The following TAOK3 variants were observed in gnomAD, a reference collection of about 807,000 sequenced individuals.
TAOK3 encodes serine/threonine-protein kinase TAO3.
A neutral mutation model predicts 120.4 loss-of-function variants in TAOK3; 40 were observed. That is an observed-to-expected ratio of 0.33 (90% CI 0.26 to 0.43). The LOEUF is 0.43. Among genes scored for constraint, TAOK3 ranks in the 20% least tolerant of loss-of-function variants. The pLI is 1.00. For synonymous variants in TAOK3, 355 were observed against 387.5 expected, an observed-to-expected ratio of 0.92 and a Z score of 0.99; for missense variants, 821 against 1,112.1, an observed-to-expected ratio of 0.74 and a Z score of 3.72.
At chr12:118,182,412 G>A (rs904599158) in intron 14 of TAOK3, among the ~76,000 whole-genome samples, 3 of 151,466 alleles carry the variant, frequency 2.0e-5, no homozygotes, top group Non-Finnish European at 2.9e-5. Context: ...TGTGGGGGCC[G>A]TCCTGTGCAT....
In TAOK3 at chr12:118,298,904, G is replaced by A. The variant is rs149539106; in HGVS notation, c.-193-32145C>T. 1.2e-3 allele frequency among the ~76,000 whole-genome samples: 177 copies of A among 152,252 alleles called. 2 individuals are homozygous for A. Among genetic ancestry groups the A allele is most frequent in the Admixed American group, 7.5e-3 (115 of 15,276 alleles). Reference sequence around the variant, plus strand: ...GATCACCTTATATTCAGGCAGATGCGCTTTGTTGTTCTGACCTAAATCTAT... The same window carrying A: ...GATCACCTTATATTCAGGCAGATGCACTTTGTTGTTCTGACCTAAATCTAT... On this transcript the variant is annotated intron_variant, in intron 1 of 20. Transcript: ENST00000392533.
chr12:118,246,101 T>A, intron 3 of TAOK3: 1 of 1,275,592 alleles, frequency 7.8e-7, no homozygotes, highest in Non-Finnish European at 1.1e-6. Context: ...ATGACGCCGG[T>A]GCAGCGGGGG....
chr12:118,368,929 C>T (rs1227567486), intron 1 of TAOK3, among the ~76,000 whole-genome samples: 1 of 144,140 alleles, frequency 6.9e-6, no homozygotes. Context: ...CAGGTGGAGG[C>T]GGATGGATCA....
At chr12:118,351,050 A>G (rs932541612) in intron 1 of TAOK3, among the ~76,000 whole-genome samples, 1 of 150,492 alleles carries the variant, frequency 6.6e-6, no homozygotes, top group Admixed American at 6.6e-5. Context: ...GTGGTGGTGC[A>G]TGCCTGTAAT....
Position 118,331,607 on chromosome 12 carries a change from T to C in TAOK3, c.-194+41041A>G, listed in dbSNP as rs577292767. On this transcript the variant is annotated intron_variant, in intron 1 of 20. Coordinates refer to ENST00000392533, the MANE Select transcript of TAOK3 (RefSeq NM_016281.4). ...TTGCAGTGATCCAAGAACATACCAC[T>C]GCACTCCAGCCTGGGCAACAGAACG... 6.9e-4 allele frequency among the ~76,000 whole-genome samples: 88 copies of C among 128,202 alleles called. 1 individual carries two copies. The East Asian group carries it at 8.0e-3, about 12-fold the overall frequency. The allele number at this position is 128,202 out of a possible 152,430, so 84.1% of individuals were successfully genotyped here. A position where few individuals can be genotyped will look rare whatever the true frequency, so the allele number is the denominator to read the frequency against.
intron 1 of TAOK3, among the ~76,000 whole-genome samples, chr12:118,368,298 G>A (rs1304005808): frequency 6.6e-6 from 1 of 152,042 alleles, no homozygotes; most frequent in African/African-American, 2.4e-5. Flanking sequence ...CCGGATTCGA[G>A]CGATTCTCCT....
At chr12:118,189,743 C>T (rs2037319275) in intron 14 of TAOK3, 64 bp downstream of exon 14, 7 of 1,599,122 alleles carry the variant, frequency 4.4e-6, no homozygotes, top group East Asian at 2.2e-5. Context: ...TCAGGGAGGG[C>T]GAGAGGCTGC....
chr12:118,312,865 T>G (rs529669359), intron 1 of TAOK3, among the ~76,000 whole-genome samples: 2 of 152,272 alleles, frequency 1.3e-5, no homozygotes, highest in Non-Finnish European at 1.5e-5. Context: ...AAAACTATAA[T>G]GAGTGTTGAA....
chr12:118,214,746 CTTTT>C (rs138948268), intron 9 of TAOK3, among the ~76,000 whole-genome samples: 17 of 133,808 alleles, frequency 1.3e-4, no homozygotes, highest in Admixed American at 3.1e-4. Flanking sequence ...TTCTTTCTTT[CTTTT>C]TTTTTTTTTT....
chr12:118,171,447 C>T (rs1196205683), intron 17 of TAOK3, among the ~76,000 whole-genome samples: 1 of 152,232 alleles, frequency 6.6e-6, no homozygotes, highest in East Asian at 1.9e-4. Context: ...ACCTCTGCCT[C>T]CTAGGCTCAA....
At chr12:118,287,177 A>C (rs2042296681) in intron 1 of TAOK3, among the ~76,000 whole-genome samples, 1 of 152,182 alleles carries the variant, frequency 6.6e-6, no homozygotes, top group South Asian at 2.1e-4. Context: ...GAACTTACTC[A>C]TGTCACCAAA....
chr12:118,289,296 C>CAAAAAAAAAAAA (rs59297201), intron 1 of TAOK3, among the ~76,000 whole-genome samples: 157 of 78,478 alleles, frequency 2.0e-3, no homozygotes, highest in African/African-American at 2.8e-3. Context: ...AAGACTGTCT[C>CAAAAAAAAAAAA]AAAAAAAAAA....
intron 3 of TAOK3, among the ~76,000 whole-genome samples, chr12:118,252,547 A>T (rs865853748): frequency 2.0e-4 from 31 of 152,212 alleles, no homozygotes; most frequent in African/African-American, 7.5e-4. Context: ...CTGAAGTTCT[A>T]TATTAAAATA....
chr12:118,217,717 T>C (rs1453760389), intron 9 of TAOK3, among the ~76,000 whole-genome samples: 2 of 148,450 alleles, frequency 1.3e-5, no homozygotes. Flanking sequence ...AAATGAAATA[T>C]AGTAGTCTCT....
At chr12:118,367,153 G>A (rs1344598420) in intron 1 of TAOK3, among the ~76,000 whole-genome samples, 1 of 152,190 alleles carries the variant, frequency 6.6e-6, no homozygotes, top group Non-Finnish European at 1.5e-5. Flanking sequence ...GCTGACAAAT[G>A]GTTAGGAGAC....
intron 1 of TAOK3, among the ~76,000 whole-genome samples, chr12:118,349,877 T>G (rs1465337831): frequency 6.6e-6 from 1 of 152,234 alleles, no homozygotes; most frequent in African/African-American, 2.4e-5. Context: ...AATCTAGGTT[T>G]CAGCCAAGTC....
rs1212473454 is a variant in TAOK3, at chr12:118,153,294, C to T, written c.2353-885G>A. 5.9e-5 allele frequency among the ~76,000 whole-genome samples: 9 copies of T among 152,202 alleles called. No homozygotes were observed. In the South Asian group the frequency reaches 1.5e-3, roughly 25 times the overall value. ...GGCATGGTGGCATGTGCCTGTAGTC[C>T]CAGCTACTTTGGGAGGCTGAGGCAG... On this transcript the variant is annotated intron_variant, in intron 19 of 20. Coordinates refer to ENST00000392533, the MANE Select transcript of TAOK3 (RefSeq NM_016281.4).
chr12:118,237,586 C>T (rs949408246), intron 7 of TAOK3, among the ~76,000 whole-genome samples: 12 of 152,004 alleles, frequency 7.9e-5, no homozygotes, highest in African/African-American at 2.9e-4. Flanking sequence ...GCCCTGGTCT[C>T]TTCATATGCC....
chr12:118,189,001 C>A (rs1593097277), intron 14 of TAOK3, among the ~76,000 whole-genome samples: 1 of 152,210 alleles, frequency 6.6e-6, no homozygotes, highest in African/African-American at 2.4e-5. Flanking sequence ...TGAAAACTAA[C>A]TCTTCCAGCA....
Sources: gnomAD v4.1 joint callset for allele counts (sites outside exome capture counted in the v4.1 genomes callset) on GRCh38, gnomAD v4.1.1 for gene constraint, MANE v1.5 for transcripts, NCBI Gene and HGNC (gene_info 2026-07-23, HGNC 2026-07-21) for gene names.